Variants in SECISBP2L observed in about 807,000 individuals in gnomAD.
SECISBP2L encodes selenocysteine insertion sequence-binding protein 2-like.
A neutral mutation model predicts 114.7 loss-of-function variants in SECISBP2L; 43 were observed. That is an observed-to-expected ratio of 0.38 (90% CI 0.29 to 0.48). SECISBP2L has a LOEUF of 0.48. SECISBP2L is among the 20% of genes least tolerant of loss of function. The pLI, the probability that SECISBP2L is intolerant of heterozygous loss-of-function variation, is 0.98. For synonymous variants in SECISBP2L, 451 were observed against 439.7 expected (o/e 1.03, Z -0.32); for missense variants, 1,136 against 1,301.1 (o/e 0.87, Z 1.95).
Position 49,019,451 on chromosome 15 carries a change from T to C in SECISBP2L, c.1137A>G (p.Arg379=), listed in dbSNP as rs1242586025. 5 of 1,485,686 alleles carry C rather than the reference T, an allele frequency of 3.4e-6. No individual in the cohort carries two copies. Among genetic ancestry groups the C allele is most frequent in the Non-Finnish European group, 3.5e-6 (4 of 1,128,166 alleles). 92.0% of individuals were successfully genotyped at this position (1,485,686 alleles called of 1,614,324 possible). Residue 379 remains arginine (R), a synonymous_variant, in exon 8 of 18, where the codon AGA becomes AGG. Transcript: ENST00000559471. ...ATAAAGACTCAGAATTTGGATCGCTTCTATGGGATTGACTAGAGCTTAAAT... is the reference window on the plus strand; with the variant it reads ...ATAAAGACTCAGAATTTGGATCGCTCCTATGGGATTGACTAGAGCTTAAAT... ...NKHLSSSQSH[R]SDPNSESLYF... is the part of the protein sequence containing the mutation.
At chr15:49,007,199 C>T (rs1221749482) in intron 14 of SECISBP2L, among the ~76,000 whole-genome samples, 1 of 152,166 alleles carries the variant, frequency 6.6e-6, no homozygotes, top group African/African-American at 2.4e-5. Flanking sequence ...CACCAAATGC[C>T]AGTGGAGCTG....
chr15:49,019,259 A>G (rs1318079765), intron 8 of SECISBP2L, among the ~76,000 whole-genome samples, 159 bp downstream of exon 8: 2 of 152,348 alleles, frequency 1.3e-5, no homozygotes, highest in African/African-American at 4.8e-5. Flanking sequence ...TATATAACCA[A>G]GACAAAAATG....
At chr15:49,033,362 AT>A (rs1159231442) in intron 3 of SECISBP2L, among the ~76,000 whole-genome samples, 1 of 152,214 alleles carries the variant, frequency 6.6e-6, no homozygotes, top group Non-Finnish European at 1.5e-5. Context: ...AAATGAATTC[AT>A]TTTTAACTGC....
Position 49,046,133 on chromosome 15 carries a change from T to TG in SECISBP2L, c.24+142dup, listed in dbSNP as rs1903243968. ...AGCAGCTGGAACAATGAAGGAGAGC[T>TG]GGGAGCTGCCAGGCTCCCAGGTGAG... On this transcript the variant is annotated intron_variant, in intron 1 of 17. Transcript: ENST00000559471. The TG allele has an allele frequency of 1.9e-5, 17 of 891,554 alleles. 2 individuals carry two copies. In the South Asian group the frequency reaches 2.7e-4, roughly 14 times the overall value. 55.2% of individuals were successfully genotyped at this position (891,554 alleles called of 1,614,324 possible). A position where few individuals can be genotyped will look rare whatever the true frequency, so the allele number is the denominator to read the frequency against.
chr15:49,011,625 ATGGAG>A, intron 13 of SECISBP2L, 101 bp downstream of exon 13: 1 of 1,288,158 alleles, frequency 7.8e-7, no homozygotes, highest in Non-Finnish European at 1.1e-6. Flanking sequence ...TATGTAAAAT[ATGGAG>A]CACGTCTTCC....
rs1198982535 is a variant in SECISBP2L, at chr15:49,016,604, A to G, written c.1517T>C (p.Met506Thr). The change falls in exon 11 of 18, where the codon ATG (methionine) becomes ACG (threonine). Residue 506 changes from methionine (M) to threonine (T), a missense_variant. Around this residue, in one of 2 missense-constraint regions of SECISBP2L, gnomAD observed 684 missense variants for 848.7 expected, o/e 0.81. Coordinates refer to ENST00000559471, the MANE Select transcript of SECISBP2L (RefSeq NM_001193489.2). The stretch of plus-strand genomic sequence containing the variant: ...GGTGTTAGTAATTTGCCGTGCTTTC[A>G]TTGCTTGCTGTTGTTTTTCCAGAGC... The part of the protein sequence containing the change: ...LAALEKQQQA[M>T]KARQITNTRP... The G allele has an allele frequency of 5.0e-6, 8 of 1,610,696 alleles. No homozygotes were observed. In the Admixed American group the frequency reaches 1.0e-4, roughly 20 times the overall value.
Position 49,028,648 on chromosome 15 carries a change from T to C in SECISBP2L, c.699A>G (p.Ser233=). 6.2e-7 allele frequency: 1 copy of C among 1,614,162 alleles called. No individual in the cohort carries two copies. The highest frequency in any genetic ancestry group is 8.5e-7 in the Non-Finnish European group (1 of 1,180,026). Residue 233 remains serine (S), a synonymous_variant, in exon 5 of 18, where the codon TCA becomes TCG. Transcript: ENST00000559471. ...FPSDIANKSL[S]ETTATMLWKS... ...TCCAGAGCATTGTTGCAGTGGTCTC[T>C]GAGAGAGACTTGTTAGCGATATCTG...
chr15:49,024,554 A>AG (rs1323902865), intron 7 of SECISBP2L, among the ~76,000 whole-genome samples: 1 of 151,938 alleles, frequency 6.6e-6, no homozygotes, highest in Non-Finnish European at 1.5e-5. Flanking sequence ...AACACAAACC[A>AG]GGGAAAGAAT....
intron 3 of SECISBP2L, among the ~76,000 whole-genome samples, chr15:49,034,420 C>CTT (rs75869456): frequency 7.0e-6 from 1 of 143,634 alleles, no homozygotes; most frequent in Non-Finnish European, 1.5e-5. Flanking sequence ...TCATTTCTTT[C>CTT]TTTTTTTTTT....
intron 2 of SECISBP2L, among the ~76,000 whole-genome samples, chr15:49,035,971 T>C (rs1157193074): frequency 6.6e-6 from 1 of 152,218 alleles, no homozygotes; most frequent in Non-Finnish European, 1.5e-5. Flanking sequence ...GTTAAACACC[T>C]AGCTACTGTA....
chr15:49,005,116 G>A (rs1476231438), intron 14 of SECISBP2L, among the ~76,000 whole-genome samples: 1 of 152,162 alleles, frequency 6.6e-6, no homozygotes, highest in Non-Finnish European at 1.5e-5. Flanking sequence ...GATCACCTGA[G>A]GTCAGAACTT....
In SECISBP2L at chr15:49,028,689, A is replaced by C. The variant is rs1902815153; in HGVS notation, c.665-7T>G. On this transcript the variant is annotated splice_polypyrimidine_tract_variant and splice_region_variant and intron_variant, in intron 4 of 17. Coordinates refer to ENST00000559471, the MANE Select transcript of SECISBP2L (RefSeq NM_001193489.2). ...GCGATATCTGATGGGAAATCTACAA[A>C]GGCAAGGAAAGTTTGACAATTCTTT... The C allele has an allele frequency of 1.2e-6, 2 of 1,605,650 alleles. No homozygotes were observed. Among genetic ancestry groups the C allele is most frequent in the Non-Finnish European group, 8.5e-7 (1 of 1,172,572 alleles).
At chr15:49,003,869 A>G (rs1407875695) in intron 14 of SECISBP2L, among the ~76,000 whole-genome samples, 1 of 152,198 alleles carries the variant, frequency 6.6e-6, no homozygotes, top group African/African-American at 2.4e-5. Flanking sequence ...TTCCGCATCG[A>G]TGTTCATCAG....
chr15:48,993,347 C>G (rs1345514230), intron 17 of SECISBP2L, among the ~76,000 whole-genome samples: 1 of 151,958 alleles, frequency 6.6e-6, no homozygotes, highest in Non-Finnish European at 1.5e-5. Flanking sequence ...GATAAAGAAA[C>G]AGGGAGGTAA....
At chr15:49,025,272 TG>T (rs1902717796) in intron 7 of SECISBP2L, among the ~76,000 whole-genome samples, 1 of 152,162 alleles carries the variant, frequency 6.6e-6, no homozygotes, top group Non-Finnish European at 1.5e-5. Flanking sequence ...AAGGTACATA[TG>T]AAGTACAGGT....
chr15:48,988,917 A>G lies in SECISBP2L; in HGVS notation c.*3327T>C. On this transcript the variant is annotated 3_prime_UTR_variant, in exon 18 of 18. Transcript: ENST00000559471. ...GGTGTGATGTGCCAACAAAATTTAAATTTTTCTCATTAGGATTCAGATTTC... is the reference window on the plus strand; with the variant it reads ...GGTGTGATGTGCCAACAAAATTTAAGTTTTTCTCATTAGGATTCAGATTTC... 5.8e-6 allele frequency: 1 copy of G among 171,184 alleles called. No homozygotes were observed. The highest frequency in any genetic ancestry group is 1.4e-4 in the South Asian group (1 of 7,100). 10.6% of individuals were successfully genotyped at this position (171,184 alleles called of 1,614,324 possible). A position where few individuals can be genotyped will look rare whatever the true frequency, so the allele number is the denominator to read the frequency against.
chr15:49,037,209 T>G (rs971007968), intron 2 of SECISBP2L, among the ~76,000 whole-genome samples: 10 of 138,922 alleles, frequency 7.2e-5, no homozygotes, highest in Admixed American at 1.6e-4. Context: ...TAAGGACTAT[T>G]GCTTGGTATT....
chr15:49,011,999 G>A, intron 12 of SECISBP2L, 136 bp from the exon 13 acceptor site: 1 of 894,700 alleles, frequency 1.1e-6, no homozygotes. Context: ...TGGCAAAAAG[G>A]CAAATGTAAT....
intron 17 of SECISBP2L, among the ~76,000 whole-genome samples, chr15:48,994,736 G>T (rs1902052283): frequency 6.6e-6 from 1 of 151,022 alleles, no homozygotes; most frequent in Admixed American, 6.6e-5. Context: ...TACATATACA[G>T]TCAAAAGCCT....
Sources: allele counts gnomAD v4.1 joint callset (sites outside exome capture counted in the v4.1 genomes callset), GRCh38; gene constraint gnomAD v4.1.1; regional missense constraint gnomAD v4.1.1; transcripts MANE v1.5; gene names NCBI Gene and HGNC (gene_info 2026-07-23, HGNC 2026-07-21).